HECW2: variants seen among roughly 807,000 people sequenced by gnomAD.
HECW2 encodes HECT, C2 and WW domain containing E3 ubiquitin protein ligase 2, also known as E3 ubiquitin-protein ligase HECW2.
HECW2 carries 61 observed loss-of-function variants against 175.2 expected under a neutral mutation model. That is an observed-to-expected ratio of 0.35 (90% CI 0.28 to 0.43). The LOEUF (loss-of-function observed/expected upper bound fraction) is 0.43, where lower values mean the gene tolerates loss of function less well. Ranked by LOEUF, HECW2 falls within the 20% of genes least tolerant of loss-of-function variation. HECW2 has a pLI of 1.00. For synonymous variants in HECW2, 671 were observed against 731.0 expected, an observed-to-expected ratio of 0.92 and a Z score of 1.32; for missense variants, 1,524 against 2,000.5, an observed-to-expected ratio of 0.76 and a Z score of 4.54.
rs1167747461 is a variant in HECW2, at chr2:196,222,202, TAC to T, written c.4146+7_4146+8del. On this transcript the variant is annotated splice_region_variant and intron_variant, in intron 24 of 28. Coordinates refer to ENST00000644978, the MANE Select transcript of HECW2 (RefSeq NM_001348768.2). ...CACACTTAGGCGCCAGGTGTGCAGA[TAC>T]ACACACCTGCCCAAATACTTCTTCG... 2 of 1,612,408 alleles carry T rather than the reference TAC, an allele frequency of 1.2e-6. No individual in the cohort carries two copies. Among genetic ancestry groups the T allele is most frequent in the African/African-American group, 1.3e-5 (1 of 74,988 alleles).
At chr2:196,317,141 T>G (rs1002367339) in intron 10 of HECW2, 133 bp downstream of exon 10, 3 of 675,822 alleles carry the variant, frequency 4.4e-6, no homozygotes, top group African/African-American at 1.8e-5. Flanking sequence ...ACACCTGCTA[T>G]GTCAAGTGGC....
chr2:196,590,786 C>T (rs1362499617), intron 1 of HECW2, among the ~76,000 whole-genome samples: 2 of 152,134 alleles, frequency 1.3e-5, no homozygotes, highest in Admixed American at 6.5e-5. Context: ...GGTTTCTTTG[C>T]CTTTGGCTGA....
intron 1 of HECW2, among the ~76,000 whole-genome samples, chr2:196,467,909 T>C (rs16851952): frequency 0.085 from 12,988 of 152,286 alleles, 632 homozygotes; most frequent in South Asian, 0.17. Context: ...CCTTATAGAA[T>C]ATAGCAACAG....
At chr2:196,233,020 A>G (rs1375096146) in intron 21 of HECW2, among the ~76,000 whole-genome samples, 2 of 152,226 alleles carry the variant, frequency 1.3e-5, no homozygotes, top group African/African-American at 4.8e-5. Context: ...ATTACAATTT[A>G]TAAATAAGCC....
At chr2:196,380,279 A>G (rs1256864599) in intron 2 of HECW2, among the ~76,000 whole-genome samples, 1 of 152,208 alleles carries the variant, frequency 6.6e-6, no homozygotes, top group African/African-American at 2.4e-5. Flanking sequence ...AGCAGTTTAT[A>G]GCTCTGCCTT....
rs188325883 is a variant in HECW2 at position 196,455,903 on chromosome 2, C to T, written c.-35-22445G>A. 4.3e-4 allele frequency among the ~76,000 whole-genome samples: 65 copies of T among 151,580 alleles called. 2 individuals are homozygous for T. The highest frequency in any genetic ancestry group is 4.3e-3 in the Admixed American group (65 of 15,204). On this transcript the variant is annotated intron_variant, in intron 1 of 28. Coordinates refer to ENST00000644978, the MANE Select transcript of HECW2 (RefSeq NM_001348768.2). ...ATAAATAACAGAAAAAATTAGAACA[C>T]CATTTGCAATAAAAAATATTGAGCC...
intron 1 of HECW2, among the ~76,000 whole-genome samples, chr2:196,503,936 C>T (rs888147795): frequency 4.6e-5 from 7 of 152,180 alleles, no homozygotes; most frequent in African/African-American, 9.6e-5. Context: ...AACCCAGGGA[C>T]TCCCACTGTC....
chr2:196,378,224 T>C (rs1417835873), intron 2 of HECW2, among the ~76,000 whole-genome samples: 2 of 152,150 alleles, frequency 1.3e-5, no homozygotes, highest in Non-Finnish European at 1.5e-5. Context: ...TAATTCCCAT[T>C]GCCTAGGGCT....
intron 17 of HECW2, chr2:196,269,424 G>A (rs1447745939): frequency 2.9e-5 from 4 of 137,842 alleles, no homozygotes; most frequent in African/African-American, 8.3e-5. Flanking sequence ...GGCAGAGGTT[G>A]CAGTGAACCG....
rs1696077981 is a variant in HECW2, at chr2:196,442,795, C to T, written c.-35-9337G>A. On this transcript the variant is annotated intron_variant, in intron 1 of 28. Coordinates refer to ENST00000644978, the MANE Select transcript of HECW2 (RefSeq NM_001348768.2). ...TTACAATTGTTTTTACCTCTTGATACTCAATTTTTGAATTTTTCTACAAAT... is the reference window on the plus strand; with the variant it reads ...TTACAATTGTTTTTACCTCTTGATATTCAATTTTTGAATTTTTCTACAAAT... Among the ~76,000 whole-genome samples the T allele has an allele frequency of 2.6e-5, 4 of 151,966 alleles. No individual in the cohort carries two copies. The South Asian group carries it at 8.3e-4, about 32-fold the overall frequency.
At chr2:196,512,138 G>T (rs554133042) in intron 1 of HECW2, among the ~76,000 whole-genome samples, 2 of 152,240 alleles carry the variant, frequency 1.3e-5, no homozygotes, top group Non-Finnish European at 2.9e-5. Context: ...CTGGAGAACA[G>T]GCAGGATGTA....
chr2:196,441,366 CA>C (rs1266496766), intron 1 of HECW2, among the ~76,000 whole-genome samples: 1 of 45,316 alleles, frequency 2.2e-5, no homozygotes, highest in Non-Finnish European at 4.3e-5. Flanking sequence ...ACACAACATA[CA>C]ACACACACAC....
At chr2:196,429,600 G>A (rs1695648506) in intron 2 of HECW2, among the ~76,000 whole-genome samples, 1 of 152,212 alleles carries the variant, frequency 6.6e-6, no homozygotes, top group Non-Finnish European at 1.5e-5. Flanking sequence ...AGAAGTAGAA[G>A]TGGTTTTCAG....
chr2:196,261,429 G>GTATT (rs1201645854), intron 17 of HECW2, among the ~76,000 whole-genome samples: 2 of 152,148 alleles, frequency 1.3e-5, no homozygotes, highest in African/African-American at 4.8e-5. Context: ...CTTCAGTATT[G>GTATT]TATTTCAGGT....
At chr2:196,369,379 T>A (rs542480835) in intron 2 of HECW2, among the ~76,000 whole-genome samples, 1 of 148,208 alleles carries the variant, frequency 6.7e-6, no homozygotes, top group Admixed American at 6.7e-5. Context: ...TCTCTCTCTC[T>A]CTCACTGATG....
chr2:196,265,682 A>G (rs1689485767), intron 17 of HECW2, among the ~76,000 whole-genome samples: 2 of 152,232 alleles, frequency 1.3e-5, no homozygotes, highest in South Asian at 4.1e-4. Context: ...CACTACTAAT[A>G]TAATATTGAT....
chr2:196,531,288 G>A (rs115114990), intron 1 of HECW2, among the ~76,000 whole-genome samples: 1 of 152,124 alleles, frequency 6.6e-6, no homozygotes, highest in Non-Finnish European at 1.5e-5. Flanking sequence ...TGTCTTGTTC[G>A]ATCTACTGTA....
intron 1 of HECW2, among the ~76,000 whole-genome samples, chr2:196,491,383 C>T (rs1687183348): frequency 6.7e-6 from 1 of 150,160 alleles, no homozygotes; most frequent in South Asian, 2.1e-4. Flanking sequence ...CACACACACA[C>T]ACACACACAC....
chr2:196,372,738 T>A (rs1693942248), intron 2 of HECW2, among the ~76,000 whole-genome samples: 1 of 152,218 alleles, frequency 6.6e-6, no homozygotes, highest in Non-Finnish European at 1.5e-5. Context: ...CACACTAAAT[T>A]TGTTCATTTT....
Sources: gnomAD v4.1 joint callset for allele counts (sites outside exome capture counted in the v4.1 genomes callset) on GRCh38, gnomAD v4.1.1 for gene constraint, MANE v1.5 for transcripts, NCBI Gene and HGNC (gene_info 2026-07-23, HGNC 2026-07-21) for gene names.